The following C9orf153 variants were observed in gnomAD, a reference collection of about 807,000 sequenced individuals.
The protein encoded by C9orf153 is chromosome 9 open reading frame 153, also known as uncharacterized protein C9orf153.
A neutral mutation model predicts 9.0 loss-of-function variants in C9orf153; 10 were observed. The observed-to-expected ratio is 1.11, with a 90% CI of 0.69 to 1.89. The LOEUF (loss-of-function observed/expected upper bound fraction) is 1.89. Ranked by LOEUF, C9orf153 falls within the 40% of genes most tolerant of loss-of-function variation. C9orf153 has a pLI of 0.00. For missense variants in C9orf153, 108 were observed against 111.0 expected, an observed-to-expected ratio of 0.97 and a Z score of 0.12; for synonymous variants, 35 against 37.3, an observed-to-expected ratio of 0.94 and a Z score of 0.23.
chr9:86,225,363 CTTCT>C (rs923438862), intron 3 of C9orf153, among the ~76,000 whole-genome samples: 13 of 148,062 alleles, frequency 8.8e-5, no homozygotes, highest in African/African-American at 1.8e-4. Flanking sequence ...TCCTTCCTTC[CTTCT>C]TTCTTTCCTT....
intron 1 of C9orf153, among the ~76,000 whole-genome samples, chr9:86,238,960 TA>T (rs34207023): frequency 1.8e-4 from 26 of 146,338 alleles, no homozygotes; most frequent in Non-Finnish European, 2.4e-4. Context: ...TCTATTTCTG[TA>T]AAAAAAAAAA....
intron 1 of C9orf153, among the ~76,000 whole-genome samples, chr9:86,248,470 G>A (rs971459631): frequency 2.0e-5 from 3 of 152,084 alleles, no homozygotes; most frequent in Non-Finnish European, 2.9e-5. Context: ...CAGAGAGTAC[G>A]CGCGCAGGTT....
chr9:86,253,918 T>C (rs1356956669), intron 1 of C9orf153, among the ~76,000 whole-genome samples: 1 of 151,996 alleles, frequency 6.6e-6, no homozygotes, highest in African/African-American at 2.4e-5. Context: ...GATGAAACCC[T>C]GTCTGTACTA....
chr9:86,225,415 T>C (rs148253804), intron 3 of C9orf153, among the ~76,000 whole-genome samples: 1 of 796 alleles, frequency 1.3e-3, no homozygotes, highest in Non-Finnish European at 2.4e-3. Flanking sequence ...CTCTCTCTCC[T>C]TCCTTCCTTC....
Position 86,247,346 on chromosome 9 carries a change from C to T in C9orf153, c.-27+12204G>A, listed in dbSNP as rs147355895. Reference sequence around the variant, plus strand: ...TCTTGTGCACATTCCTCTACTTTATCTTCTAACCTTTCTATTTTGTTTTCA... The same window carrying T: ...TCTTGTGCACATTCCTCTACTTTATTTTCTAACCTTTCTATTTTGTTTTCA... On this transcript the variant is annotated intron_variant, in intron 1 of 3. Transcript: ENST00000339137. Among the ~76,000 whole-genome samples the T allele has an allele frequency of 7.3e-3, 1,105 of 152,174 alleles. 11 individuals carry two copies. The highest frequency in any genetic ancestry group is 0.025 in the African/African-American group (1,017 of 41,506).
intron 2 of C9orf153, among the ~76,000 whole-genome samples, chr9:86,228,248 G>C (rs1824386195): frequency 6.6e-6 from 1 of 152,206 alleles, no homozygotes; most frequent in African/African-American, 2.4e-5. Context: ...CTCCCTTAAA[G>C]ATGTATTATT....
chr9:86,232,378 C>T (rs376370737), intron 1 of C9orf153, among the ~76,000 whole-genome samples: 9 of 152,304 alleles, frequency 5.9e-5, no homozygotes, highest in African/African-American at 2.2e-4. Context: ...AAATCTAGAC[C>T]AGCCCTTTGA....
At chr9:86,255,064 GA>G (rs36169949) in intron 1 of C9orf153, among the ~76,000 whole-genome samples, 37 of 137,702 alleles carry the variant, frequency 2.7e-4, no homozygotes, top group Middle Eastern at 3.7e-3. Flanking sequence ...CGCTGTCTCA[GA>G]AAAAAAAAAA....
At chr9:86,255,205 C>A (rs1016463993) in intron 1 of C9orf153, among the ~76,000 whole-genome samples, 4 of 152,122 alleles carry the variant, frequency 2.6e-5, no homozygotes, top group Non-Finnish European at 4.4e-5. Context: ...TAACCCAAAT[C>A]TCTCCAAAGC....
intron 2 of C9orf153, 56 bp downstream of exon 2, chr9:86,229,482 A>G (rs1226986731): frequency 4.9e-6 from 6 of 1,231,444 alleles, no homozygotes; most frequent in Non-Finnish European, 7.1e-6. Flanking sequence ...AATGTTTATG[A>G]TTCTTGAATG....
chr9:86,244,070 G>A lies in C9orf153; in HGVS notation c.-26-14441C>T, dbSNP rs142596883. ...AGCCAAATGTGGTTACTGAGAGCTT[G>A]CAGTGTGAGTAGTCCAAATTGAGAT... On this transcript the variant is annotated intron_variant, in intron 1 of 3. Transcript: ENST00000339137. Among the ~76,000 whole-genome samples the A allele has an allele frequency of 8.5e-4, 130 of 152,312 alleles. No individual in the cohort carries two copies. The East Asian group carries it at 0.015, about 17-fold the overall frequency.
chr9:86,255,967 T>C (rs1238559921), intron 1 of C9orf153, among the ~76,000 whole-genome samples: 1 of 152,240 alleles, frequency 6.6e-6, no homozygotes, highest in African/African-American at 2.4e-5. Flanking sequence ...CAGATGTTCA[T>C]TGTGGCACTT....
At chr9:86,235,779 A>G (rs10868399) in intron 1 of C9orf153, among the ~76,000 whole-genome samples, 29,866 of 144,770 alleles carry the variant, frequency 0.21, 4,015 homozygotes, top group East Asian at 0.44. Flanking sequence ...GAGAGAGAGA[A>G]AGAAAAACAC....
At chr9:86,244,413 T>A (rs572909386) in intron 1 of C9orf153, among the ~76,000 whole-genome samples, 1 of 152,260 alleles carries the variant, frequency 6.6e-6, no homozygotes, top group South Asian at 2.1e-4. Context: ...AAGATCACAT[T>A]AAAATCACAT....
At chr9:86,244,576 A>C (rs1295233590) in intron 1 of C9orf153, among the ~76,000 whole-genome samples, 1 of 152,226 alleles carries the variant, frequency 6.6e-6, no homozygotes, top group Non-Finnish European at 1.5e-5. Flanking sequence ...CTCTAAAACA[A>C]AGTAGATATA....
chr9:86,235,825 T>C (rs1218851404), intron 1 of C9orf153, among the ~76,000 whole-genome samples: 1 of 148,250 alleles, frequency 6.7e-6, no homozygotes, highest in East Asian at 2.0e-4. Context: ...CCAAGAATTG[T>C]GGGACAATTA....
chr9:86,220,844 C>T lies in C9orf153; in HGVS notation c.*844G>A, dbSNP rs1254059643. ...ATACATTTCTGAACTTCTCATTCTA[C>T]CGTCCAATACTCTTATTTTTCTGTC... On this transcript the variant is annotated 3_prime_UTR_variant, in exon 4 of 4. Coordinates refer to ENST00000339137, the MANE Select transcript of C9orf153 (RefSeq NM_001276366.4). 1 of 151,992 alleles carries T rather than the reference C, an allele frequency of 6.6e-6. No individual in the cohort carries two copies. The highest frequency in any genetic ancestry group is 1.5e-5 in the Non-Finnish European group (1 of 68,010). The allele number at this position is 151,992 out of a possible 1,614,324, so 9.4% of individuals were successfully genotyped here. A position where few individuals can be genotyped will look rare whatever the true frequency, so the allele number is the denominator to read the frequency against.
At chr9:86,230,869 T>G (rs916183655) in intron 1 of C9orf153, among the ~76,000 whole-genome samples, 6 of 152,250 alleles carry the variant, frequency 3.9e-5, no homozygotes, top group Non-Finnish European at 8.8e-5. Context: ...ATCTCATTGA[T>G]AAGTGGCAGT....
At position 86,221,453 on chromosome 9, in the gene C9orf153, G is replaced by T; in HGVS notation, c.*235C>A. ...TTTACTTTTTGTGTATTAAATCAAT[G>T]CTCTCAAAAGCAAAAATCTACGTCC... On this transcript the variant is annotated 3_prime_UTR_variant, in exon 4 of 4. Transcript: ENST00000339137. The T allele has an allele frequency of 2.8e-6, 3 of 1,055,944 alleles. No individual in the cohort carries two copies. The highest frequency in any genetic ancestry group is 3.7e-6 in the Non-Finnish European group (3 of 812,056). The allele number at this position is 1,055,944 out of a possible 1,614,324, so 65.4% of individuals were successfully genotyped here.
Sources: allele counts gnomAD v4.1 joint callset (sites outside exome capture counted in the v4.1 genomes callset), GRCh38; gene constraint gnomAD v4.1.1; transcripts MANE v1.5; gene names NCBI Gene and HGNC (gene_info 2026-07-23, HGNC 2026-07-21).